FLT1: variants seen among roughly 807,000 people sequenced by gnomAD.
FLT1 encodes fms related receptor tyrosine kinase 1, also known as vascular endothelial growth factor receptor 1.
A neutral mutation model predicts 156.3 loss-of-function variants in FLT1; 49 were observed. That is an observed-to-expected ratio of 0.31 (90% CI 0.25 to 0.40). The LOEUF is 0.40. Among genes scored for constraint, FLT1 ranks in the 10% least tolerant of loss-of-function variants. FLT1 has a pLI of 1.00. For synonymous variants in FLT1, 594 were observed against 583.8 expected (o/e 1.02, Z -0.25); for missense variants, 1,322 against 1,637.2 (o/e 0.81, Z 3.32).
chr13:28,354,223 A>G (rs1457951055), intron 15 of FLT1, among the ~76,000 whole-genome samples: 1 of 152,226 alleles, frequency 6.6e-6, no homozygotes, highest in Non-Finnish European at 1.5e-5. Context: ...TCCTAGGATC[A>G]AATTTTAATC....
intron 1 of FLT1, among the ~76,000 whole-genome samples, chr13:28,471,584 G>C (rs74789192): frequency 0.013 from 2,021 of 152,252 alleles, 49 homozygotes; most frequent in African/African-American, 0.045. Context: ...CACATGCATA[G>C]TCATAGCATG....
chr13:28,345,750 A>G, intron 15 of FLT1, 199 bp from the exon 16 acceptor site: 1 of 569,376 alleles, frequency 1.8e-6, no homozygotes. Context: ...TAGAAAAGGC[A>G]GTATACATGA....
At chr13:28,446,097 A>C (rs1214420442) in intron 3 of FLT1, among the ~76,000 whole-genome samples, 1 of 152,224 alleles carries the variant, frequency 6.6e-6, no homozygotes, top group African/African-American at 2.4e-5. Flanking sequence ...ATTTGACAAA[A>C]ATCCAAGCTC....
chr13:28,371,480 C>G (rs1873565425), intron 14 of FLT1, among the ~76,000 whole-genome samples: 1 of 152,170 alleles, frequency 6.6e-6, no homozygotes, highest in African/African-American at 2.4e-5. Context: ...TGCTACCCAT[C>G]TATGAATCCC....
intron 1 of FLT1, among the ~76,000 whole-genome samples, chr13:28,474,063 C>T (rs1252428839): frequency 6.6e-6 from 1 of 152,166 alleles, no homozygotes; most frequent in Admixed American, 6.5e-5. Context: ...AGAGATGCCT[C>T]AGGAGAAACC....
chr13:28,443,676 A>G (rs1440023680), intron 3 of FLT1, among the ~76,000 whole-genome samples: 1 of 152,234 alleles, frequency 6.6e-6, no homozygotes, highest in African/African-American at 2.4e-5. Flanking sequence ...AACCAATCCC[A>G]TGAAAAGGGT....
chr13:28,333,822 G>A (rs1593688359), intron 18 of FLT1, among the ~76,000 whole-genome samples: 2 of 152,270 alleles, frequency 1.3e-5, no homozygotes, highest in Non-Finnish European at 2.9e-5. Flanking sequence ...GTGCTGGATT[G>A]TTCCATTTAC....
chr13:28,468,638 C>T (rs894122795), intron 1 of FLT1, among the ~76,000 whole-genome samples: 1 of 152,140 alleles, frequency 6.6e-6, no homozygotes. Flanking sequence ...GTGGATCCCT[C>T]ATGCATGGCA....
chr13:28,391,793 G>A (rs1874737247), intron 12 of FLT1, among the ~76,000 whole-genome samples: 1 of 152,178 alleles, frequency 6.6e-6, no homozygotes, highest in South Asian at 2.1e-4. Flanking sequence ...TGGGCCATCA[G>A]TTCACTTTGG....
intron 5 of FLT1, 35 bp from the exon 6 acceptor site, chr13:28,433,990 G>T (rs1485651069): frequency 6.2e-7 from 1 of 1,613,802 alleles, no homozygotes; most frequent in African/African-American, 1.3e-5. Flanking sequence ...TTAAAATTAA[G>T]ATTTCATTAC....
At chr13:28,372,570 A>ATATATATG (rs1873659099) in intron 14 of FLT1, among the ~76,000 whole-genome samples, 1 of 14,146 alleles carries the variant, frequency 7.1e-5, no homozygotes, top group African/African-American at 2.7e-4. Context: ...TAAAATGTAT[A>ATATATATG]TATATATATA....
chr13:28,404,043 C>CAAA (rs67298705), intron 11 of FLT1, among the ~76,000 whole-genome samples: 14 of 139,732 alleles, frequency 1.0e-4, no homozygotes, highest in Admixed American at 6.4e-4. Flanking sequence ...CTCTTTGTCT[C>CAAA]AAAAAAAAAA....
intron 3 of FLT1, among the ~76,000 whole-genome samples, chr13:28,440,309 G>C (rs1266160831): frequency 6.6e-6 from 1 of 152,174 alleles, no homozygotes; most frequent in Admixed American, 6.5e-5. Flanking sequence ...TCCTTTTACA[G>C]ATGAGAAAAG....
rs139370043 is a variant in FLT1 at position 28,490,953 on chromosome 13, T to C, written c.64+3827A>G. Among the ~76,000 whole-genome samples the C allele has an allele frequency of 3.6e-4, 55 of 152,268 alleles. 1 individual carries two copies. In the East Asian group the frequency reaches 0.01, roughly 29 times the overall value. ...TTAACATTCACGTGCCAAGATAGCTTCTCTCACTTTTTCTCCATTCTTATC... is the reference window on the plus strand; with the variant it reads ...TTAACATTCACGTGCCAAGATAGCTCCTCTCACTTTTTCTCCATTCTTATC... On this transcript the variant is annotated intron_variant, in intron 1 of 29. Transcript: ENST00000282397.
At chr13:28,482,303 C>G (rs149783324) in intron 1 of FLT1, among the ~76,000 whole-genome samples, 2 of 151,822 alleles carry the variant, frequency 1.3e-5, no homozygotes, top group Non-Finnish European at 2.9e-5. Flanking sequence ...CCCAGCGTGG[C>G]GGTGCATGCC....
intron 6 of FLT1, 46 bp from the exon 7 acceptor site, chr13:28,431,356 G>T: frequency 1.5e-6 from 2 of 1,350,946 alleles, no homozygotes; most frequent in Non-Finnish European, 2.1e-6. Flanking sequence ...GAGTGTTCAT[G>T]CTTAAAGTTA....
intron 10 of FLT1, among the ~76,000 whole-genome samples, chr13:28,420,534 A>G (rs2137526864): frequency 6.6e-6 from 1 of 152,340 alleles, no homozygotes; most frequent in South Asian, 2.1e-4. Context: ...ATGTGACCGT[A>G]TTTCCAAAAG....
intron 10 of FLT1, among the ~76,000 whole-genome samples, chr13:28,415,202 G>A (rs756609992): frequency 6.6e-6 from 1 of 152,184 alleles, no homozygotes; most frequent in South Asian, 2.1e-4. Flanking sequence ...CACTTTGCCC[G>A]GGTGCGGTGG....
At chr13:28,330,835 T>C (rs1871904563) in intron 18 of FLT1, among the ~76,000 whole-genome samples, 2 of 152,204 alleles carry the variant, frequency 1.3e-5, no homozygotes, top group South Asian at 2.1e-4. Flanking sequence ...TGCCTCAGCC[T>C]CCCGAGTAGC....
Sources: allele counts gnomAD v4.1 joint callset (sites outside exome capture counted in the v4.1 genomes callset), GRCh38; gene constraint gnomAD v4.1.1; transcripts MANE v1.5; gene names NCBI Gene and HGNC (gene_info 2026-07-23, HGNC 2026-07-21).